Variants in RAB33B observed in about 807,000 individuals in gnomAD.
The protein encoded by RAB33B is ras-related protein Rab-33B.
Under a neutral mutation model 15.0 loss-of-function variants are expected in RAB33B, and 6 were observed. That is an observed-to-expected ratio of 0.40 (90% confidence interval 0.22 to 0.79). The LOEUF (loss-of-function observed/expected upper bound fraction) is 0.79. RAB33B is among the 30% of genes least tolerant of loss of function. The probability of loss-of-function intolerance (pLI) is 0.37; values close to 1 mark genes in which losing one functional copy is unlikely to be tolerated. For synonymous variants in RAB33B, 117 were observed against 108.3 expected (o/e 1.08, Z -0.50); for missense variants, 257 against 296.4 (o/e 0.87, Z 0.98).
chr4:139,464,356 T>TATC lies in RAB33B; in HGVS notation c.250-8330_250-8329insATC, dbSNP rs1469942916. On this transcript the variant is annotated intron_variant, in intron 1 of 1. Transcript: ENST00000305626. ...TGATATGATTAGAAAGCATAAAATT[T>TATC]TGAACGGGATTGATGGGAAGAGGAA... 2.6e-5 allele frequency among the ~76,000 whole-genome samples: 4 copies of TATC among 151,226 alleles called. No individual in the cohort carries two copies. The East Asian group carries it at 7.8e-4, about 29-fold the overall frequency.
rs2111067573 is a variant in RAB33B, at chr4:139,454,388, A to G, written c.193A>G (p.Thr65Ala). The G allele has an allele frequency of 6.2e-7, 1 of 1,613,580 alleles. No individual in the cohort carries two copies. Among genetic ancestry groups the G allele is most frequent in the African/African-American group, 1.3e-5 (1 of 75,028 alleles). Residue 65 changes from threonine to alanine, a missense_variant, in exon 1 of 2, where the codon ACG becomes GCG. Thr to Ala is a moderately conservative substitution (Grantham distance 58, BLOSUM62 0). Coordinates refer to ENST00000305626, the MANE Select transcript of RAB33B (RefSeq NM_031296.3). ...AGRFPDRTEA[T>A]IGVDFRERAV... ...CCGCTTCCCCGACCGCACCGAGGCC[A>G]CGATAGGGGTGGATTTCCGAGAACG...
chr4:139,441,919 TATTG>T, the RAB33B span, among the ~76,000 whole-genome samples: 116 of 152,354 alleles, frequency 7.6e-4, no homozygotes, highest in African/African-American at 2.5e-3. Flanking sequence ...ATTCATTCTA[TATTG>T]ATTAATATTA....
chr4:139,461,948 A>G (rs1008829429), intron 1 of RAB33B, among the ~76,000 whole-genome samples: 1 of 152,082 alleles, frequency 6.6e-6, no homozygotes, highest in African/African-American at 2.4e-5. Flanking sequence ...CTTTATATAA[A>G]ACTTCATGAA....
chr4:139,440,517 G>A, the RAB33B span, among the ~76,000 whole-genome samples: 2 of 152,108 alleles, frequency 1.3e-5, no homozygotes, highest in Non-Finnish European at 2.9e-5. Context: ...TACAAGCTGT[G>A]TGCAAACCAC....
chr4:139,445,267 T>C, the RAB33B span, among the ~76,000 whole-genome samples: 3 of 152,266 alleles, frequency 2.0e-5, no homozygotes, highest in Admixed American at 2.0e-4. Flanking sequence ...ACCTTTACTG[T>C]ACTACCTCTG....
chr4:139,440,392 G>C, the RAB33B span, among the ~76,000 whole-genome samples: 1 of 152,190 alleles, frequency 6.6e-6, no homozygotes, highest in Non-Finnish European at 1.5e-5. Flanking sequence ...TGCAACAATG[G>C]AAGTGCAACA....
intron 1 of RAB33B, among the ~76,000 whole-genome samples, chr4:139,465,125 T>A (rs902420425): frequency 6.6e-6 from 1 of 152,220 alleles, no homozygotes; most frequent in Non-Finnish European, 1.5e-5. Context: ...TGATTTGCAT[T>A]TCTCTGATGG....
At chr4:139,453,319 T>C (rs1337532005), upstream of RAB33B, 1 of 152,106 alleles carries the variant, frequency 6.6e-6, no homozygotes, top group Non-Finnish European at 1.5e-5. Context: ...CCTAGCGAAA[T>C]GCGCTGTACC....
the RAB33B span, among the ~76,000 whole-genome samples, chr4:139,440,453 CAG>C: frequency 6.6e-6 from 1 of 152,140 alleles, no homozygotes; most frequent in African/African-American, 2.4e-5. Flanking sequence ...AGTTAGGAAT[CAG>C]AGCACAGATC....
the RAB33B span, among the ~76,000 whole-genome samples, chr4:139,444,810 C>A: frequency 1.1e-4 from 16 of 152,174 alleles, no homozygotes; most frequent in African/African-American, 3.6e-4. Context: ...GCTGGCAGAA[C>A]CCCCACATTG....
At chr4:139,442,338 C>T in the RAB33B span, among the ~76,000 whole-genome samples, 1 of 152,092 alleles carries the variant, frequency 6.6e-6, no homozygotes, top group African/African-American at 2.4e-5. Flanking sequence ...GCTGAGGTTT[C>T]AAATACAAAG....
In RAB33B at chr4:139,462,638, T is replaced by A. The variant is rs568961378; in HGVS notation, c.249+8194T>A. 5.9e-5 allele frequency among the ~76,000 whole-genome samples: 9 copies of A among 152,328 alleles called. No homozygotes were observed. In the South Asian group the frequency reaches 1.9e-3, roughly 32 times the overall value. ...TTAGTGACATCTCAAGAGAACTCTT[T>A]GCTTTTTGTATGTGGAGTAGAAATG... On this transcript the variant is annotated intron_variant, in intron 1 of 1. Coordinates refer to ENST00000305626, the MANE Select transcript of RAB33B (RefSeq NM_031296.3).
chr4:139,473,123 C>G lies in RAB33B; in HGVS notation c.687C>G (p.Cys229Trp). 1 of 1,592,528 alleles carries G rather than the reference C, an allele frequency of 6.3e-7. No homozygotes were observed. Among genetic ancestry groups the G allele is most frequent in the South Asian group, 1.1e-5 (1 of 88,858 alleles). ...CAAAGCCTGCAATGACGTGCTGGTGCTAAATAACAGTCTTTATTATATTAT... is the reference window on the plus strand; with the variant it reads ...CAAAGCCTGCAATGACGTGCTGGTGGTAAATAACAGTCTTTATTATATTAT... ...PEPKPAMTCW[C>W] Residue 229 changes from cysteine to tryptophan, a missense_variant, in exon 2 of 2, where the codon TGC (cysteine) becomes TGG (tryptophan). Coordinates refer to ENST00000305626, the MANE Select transcript of RAB33B (RefSeq NM_031296.3).
intron 1 of RAB33B, among the ~76,000 whole-genome samples, chr4:139,470,902 C>G (rs1420498100): frequency 6.6e-6 from 1 of 152,082 alleles, no homozygotes; most frequent in Non-Finnish European, 1.5e-5. Flanking sequence ...GAGCTGGTAT[C>G]TAAGATCAAG....
chr4:139,446,836 A>C, the RAB33B span, among the ~76,000 whole-genome samples: 1 of 152,190 alleles, frequency 6.6e-6, no homozygotes, highest in Non-Finnish European at 1.5e-5. Flanking sequence ...GCCACTGCAG[A>C]GTGCCCAATT....
At chr4:139,448,107 A>G in the RAB33B span, among the ~76,000 whole-genome samples, 1 of 152,190 alleles carries the variant, frequency 6.6e-6, no homozygotes, top group Non-Finnish European at 1.5e-5. Flanking sequence ...ACAGAGATCT[A>G]TTAAGGTGTC....
intron 1 of RAB33B, among the ~76,000 whole-genome samples, chr4:139,464,362 G>A (rs1056022998): frequency 6.7e-6 from 1 of 149,834 alleles, no homozygotes; most frequent in African/African-American, 2.5e-5. Context: ...AATTTTGAAC[G>A]GGATTGATGG....
chr4:139,470,377 C>A (rs1013608492), intron 1 of RAB33B, among the ~76,000 whole-genome samples: 1 of 152,230 alleles, frequency 6.6e-6, no homozygotes, highest in African/African-American at 2.4e-5. Flanking sequence ...ACCAATGTTC[C>A]TTTAAGGCCC....
chr4:139,456,108 A>G (rs973235338), intron 1 of RAB33B, among the ~76,000 whole-genome samples: 1 of 152,194 alleles, frequency 6.6e-6, no homozygotes, highest in Non-Finnish European at 1.5e-5. Flanking sequence ...GAGGACATAT[A>G]TGAAGCACCT....
Sources: gnomAD v4.1 joint callset for allele counts (sites outside exome capture counted in the v4.1 genomes callset) on GRCh38, gnomAD v4.1.1 for gene constraint, MANE v1.5 for transcripts, NCBI Gene and HGNC (gene_info 2026-07-23, HGNC 2026-07-21) for gene names.